Variants in P2RY2 observed in about 807,000 individuals in gnomAD.
P2RY2 encodes the protein P2Y purinoceptor 2.
For missense variants in P2RY2, 567 were observed against 515.7 expected (o/e 1.10, Z -0.96); for synonymous variants, 241 against 231.9 (o/e 1.04, Z -0.35).
At position 73,242,133 on chromosome 11, in the gene P2RY2, A is replaced by G. The variant is rs1193225770; in HGVS notation, c.*6840A>G. ...GAACCCTGAGAAGATGTCTTACCCC[A>G]GTTGTTTCCAGGTTTCTTTAGAAAG... On this transcript the variant is annotated 3_prime_UTR_variant, in exon 3 of 3. Coordinates refer to ENST00000393597, the MANE Select transcript of P2RY2 (RefSeq NM_002564.4). 1.3e-5 allele frequency: 2 copies of G among 152,090 alleles called. No individual in the cohort carries two copies. The highest frequency in any genetic ancestry group is 2.4e-5 in the African/African-American group (1 of 41,410). 9.4% of individuals were successfully genotyped at this position (152,090 alleles called of 1,614,324 possible). A position where few individuals can be genotyped will look rare whatever the true frequency, so the allele number is the denominator to read the frequency against.
At chr11:73,222,429 C>G (rs892538517) in intron 1 of P2RY2, among the ~76,000 whole-genome samples, 1 of 152,114 alleles carries the variant, frequency 6.6e-6, no homozygotes. Flanking sequence ...CCATGTGGCA[C>G]CATCTTTGTA....
Position 73,234,277 on chromosome 11 carries a change from T to C in P2RY2, c.118T>C (p.Tyr40His). Reference protein sequence around the residue: ...DFKYVLLPVSYGVVCVPGLCL... With the variant: ...DFKYVLLPVSHGVVCVPGLCL... ...CAAGTACGTGCTGCTGCCTGTGTCC[T>C]ACGGCGTGGTGTGCGTGCCTGGGCT... Residue 40 changes from tyrosine to histidine, a missense_variant, in exon 3 of 3, where the codon TAC becomes CAC. Coordinates refer to ENST00000393597, the MANE Select transcript of P2RY2 (RefSeq NM_002564.4). 6.2e-7 allele frequency: 1 copy of C among 1,614,176 alleles called. No homozygotes were observed. The highest frequency in any genetic ancestry group is 8.5e-7 in the Non-Finnish European group (1 of 1,180,016).
rs146076516 is a variant in P2RY2, at chr11:73,235,252, A to G, written c.1093A>G (p.Thr365Ala). The G allele has an allele frequency of 1.9e-6, 3 of 1,591,688 alleles. No homozygotes were observed. The Admixed American group carries it at 5.3e-5, about 28-fold the overall frequency. ...SSEDSRRTES[T>A]PAGSENTKDI... ...TGAGGACTCTAGGCGGACAGAGTCC[A>G]CGCCGGCTGGTAGCGAGAACACTAA... Residue 365 changes from threonine (T) to alanine (A), a missense_variant, in exon 3 of 3, where the codon ACG becomes GCG. By Grantham distance (58) the Thr-to-Ala change is moderately conservative (BLOSUM62 0). Transcript: ENST00000393597.
Position 73,235,178 on chromosome 11 carries a change from G to C in P2RY2, c.1019G>C (p.Arg340Thr), listed in dbSNP as rs766911840. Residue 340 changes from arginine to threonine, a missense_variant, in exon 3 of 3, where the codon AGA (arginine) becomes ACA (threonine). By Grantham distance (71) the Arg-to-Thr change is moderately conservative. Transcript: ENST00000393597. ...TPARRRLGLRRSDRTDMQRIE... is the reference protein window; with the variant it reads ...TPARRRLGLRTSDRTDMQRIE... ...GCTCGCCGCAGGCTGGGCCTGCGCA[G>C]ATCCGACAGAACTGACATGCAGAGG... is the stretch of plus-strand genomic sequence containing the variant. The C allele has an allele frequency of 5.6e-6, 9 of 1,610,984 alleles. No individual in the cohort carries two copies. Among genetic ancestry groups the C allele is most frequent in the Non-Finnish European group, 7.6e-6 (9 of 1,179,750 alleles).
chr11:73,235,738 C>G lies in P2RY2; in HGVS notation c.*445C>G. 9.9e-7 allele frequency: 1 copy of G among 1,005,894 alleles called. No individual in the cohort carries two copies. Among genetic ancestry groups the G allele is most frequent in the Non-Finnish European group, 1.2e-6 (1 of 834,138 alleles). The allele number at this position is 1,005,894 out of a possible 1,614,324, so 62.3% of individuals were successfully genotyped here. ...CAAGTCACAGGTTGGCCAGAAAACC[C>G]TGGTAAGTAATGAGGGCTGAGTTTG... is the stretch of plus-strand genomic sequence containing the variant. On this transcript the variant is annotated 3_prime_UTR_variant, in exon 3 of 3. Transcript: ENST00000393597.
intron 1 of P2RY2, among the ~76,000 whole-genome samples, chr11:73,227,683 A>C (rs1479041636): frequency 6.6e-6 from 1 of 152,158 alleles, no homozygotes; most frequent in East Asian, 1.9e-4. Flanking sequence ...GGGAAGGGAC[A>C]CTGGAGGCTT....
At chr11:73,230,516 G>A (rs571036739) in intron 2 of P2RY2, among the ~76,000 whole-genome samples, 59 of 152,142 alleles carry the variant, frequency 3.9e-4, no homozygotes, top group South Asian at 1.2e-3. Context: ...CAAATGACTC[G>A]ACCCTCACAG....
rs1412304599 is a variant in P2RY2 at position 73,237,591 on chromosome 11, G to A, written c.*2298G>A. Among the ~76,000 whole-genome samples the A allele has an allele frequency of 1.3e-5, 2 of 152,090 alleles. No homozygotes were observed. The highest frequency in any genetic ancestry group is 4.8e-5 in the African/African-American group (2 of 41,414). On this transcript the variant is annotated 3_prime_UTR_variant, in exon 3 of 3. Transcript: ENST00000393597. ...TGATTGCCTGTTACAAACCACCCTTGAGCCTTTCCCACAGGCCCGAGCCAC... is the reference window on the plus strand; with the variant it reads ...TGATTGCCTGTTACAAACCACCCTTAAGCCTTTCCCACAGGCCCGAGCCAC...
intron 2 of P2RY2, among the ~76,000 whole-genome samples, chr11:73,228,636 T>C (rs1434212161): frequency 6.6e-6 from 1 of 151,790 alleles, no homozygotes; most frequent in African/African-American, 2.4e-5. Flanking sequence ...AAAGGCAGAG[T>C]CTCCTGGGCT....
Position 73,236,532 on chromosome 11 carries a change from G to A in P2RY2, c.*1239G>A. 1 of 983,270 alleles carries A rather than the reference G, an allele frequency of 1.0e-6. No individual in the cohort carries two copies. Among genetic ancestry groups the A allele is most frequent in the Non-Finnish European group, 1.2e-6 (1 of 828,004 alleles). 60.9% of individuals were successfully genotyped at this position (983,270 alleles called of 1,614,324 possible). A position where few individuals can be genotyped will look rare whatever the true frequency, so the allele number is the denominator to read the frequency against. ...CTCACCGGAAGAACATCCACACACA[G>A]GATGCATCCCAGGCAAAGACATGGG... On this transcript the variant is annotated 3_prime_UTR_variant, in exon 3 of 3. Transcript: ENST00000393597.
In P2RY2 at chr11:73,240,004, C is replaced by G. The variant is rs1862741063; in HGVS notation, c.*4711C>G. The G allele has an allele frequency of 6.6e-6, 1 of 152,394 alleles. No individual in the cohort carries two copies. Among genetic ancestry groups the G allele is most frequent in the African/African-American group, 2.4e-5 (1 of 41,434 alleles). 9.4% of individuals were successfully genotyped at this position (152,394 alleles called of 1,614,324 possible). A position where few individuals can be genotyped will look rare whatever the true frequency, so the allele number is the denominator to read the frequency against. On this transcript the variant is annotated 3_prime_UTR_variant, in exon 3 of 3. Coordinates refer to ENST00000393597, the MANE Select transcript of P2RY2 (RefSeq NM_002564.4). ...TGAAGGGTTGGGGTGAGAACTGAGC[C>G]CGAGTCGAACTCATCCTCCTCTGCC... is the stretch of plus-strand genomic sequence containing the variant.
At position 73,237,033 on chromosome 11, in the gene P2RY2, C is replaced by G; in HGVS notation, c.*1740C>G. On this transcript the variant is annotated 3_prime_UTR_variant, in exon 3 of 3. Coordinates refer to ENST00000393597, the MANE Select transcript of P2RY2 (RefSeq NM_002564.4). ...CCCTCTGACCTCTCCACCCTTCCCA[C>G]TCTGCCTTGTGAAAGGCAGGACATC... 1 of 985,412 alleles carries G rather than the reference C, an allele frequency of 1.0e-6. No homozygotes were observed. The highest frequency in any genetic ancestry group is 1.2e-6 in the Non-Finnish European group (1 of 829,918). 61.0% of individuals were successfully genotyped at this position (985,412 alleles called of 1,614,324 possible). A position where few individuals can be genotyped will look rare whatever the true frequency, so the allele number is the denominator to read the frequency against.
chr11:73,236,696 G>C lies in P2RY2; in HGVS notation c.*1403G>C. On this transcript the variant is annotated 3_prime_UTR_variant, in exon 3 of 3. Transcript: ENST00000393597. ...TGACCCTGAGGCTTCCTTTGCACTG[G>C]GGGTAAATATGAAAGAGATTCACTC... is the stretch of plus-strand genomic sequence containing the variant. The C allele has an allele frequency of 2.0e-6, 2 of 985,332 alleles. No individual in the cohort carries two copies. The highest frequency in any genetic ancestry group is 2.4e-6 in the Non-Finnish European group (2 of 829,902). 61.0% of individuals were successfully genotyped at this position (985,332 alleles called of 1,614,324 possible).
intron 1 of P2RY2, among the ~76,000 whole-genome samples, chr11:73,225,112 G>A (rs1862240532): frequency 6.6e-6 from 1 of 152,216 alleles, no homozygotes; most frequent in Non-Finnish European, 1.5e-5. Flanking sequence ...GGTCTCCACA[G>A]TGGTGACAGC....
In P2RY2 at chr11:73,235,984, T is replaced by C. The variant is rs538006042; in HGVS notation, c.*691T>C. 4.0e-6 allele frequency: 4 copies of C among 1,000,346 alleles called. No individual in the cohort carries two copies. The East Asian group carries it at 4.5e-4, about 113-fold the overall frequency. The allele number at this position is 1,000,346 out of a possible 1,614,324, so 62.0% of individuals were successfully genotyped here. A position where few individuals can be genotyped will look rare whatever the true frequency, so the allele number is the denominator to read the frequency against. Reference sequence around the variant, plus strand: ...GGATGAGGATATGGCAGGGAAGCTTTCACCAGCCACACAAGGGTCCTTTCT... The same window carrying C: ...GGATGAGGATATGGCAGGGAAGCTTCCACCAGCCACACAAGGGTCCTTTCT... On this transcript the variant is annotated 3_prime_UTR_variant, in exon 3 of 3. Transcript: ENST00000393597.
At chr11:73,228,749 C>T (rs530328342) in intron 2 of P2RY2, among the ~76,000 whole-genome samples, 132 of 152,318 alleles carry the variant, frequency 8.7e-4, no homozygotes, top group African/African-American at 3.0e-3. Flanking sequence ...TTAGGGTCAG[C>T]AGCTAAGAAA....
intron 2 of P2RY2, among the ~76,000 whole-genome samples, chr11:73,233,066 A>G (rs1014574690): frequency 2.0e-5 from 3 of 152,154 alleles, no homozygotes; most frequent in African/African-American, 7.2e-5. Context: ...GGGGGACACC[A>G]TGATACTGAC....
In P2RY2 at chr11:73,240,330, G is replaced by A. The variant is rs1403678692; in HGVS notation, c.*5037G>A. On this transcript the variant is annotated 3_prime_UTR_variant, in exon 3 of 3. Transcript: ENST00000393597. ...CACTCCCAGTACAATGACTGCCCTG[G>A]ACCATTGTCCAGCAGTGACGCGGGG... is the stretch of plus-strand genomic sequence containing the variant. 1 of 152,754 alleles carries A rather than the reference G, an allele frequency of 6.5e-6. No individual in the cohort carries two copies. Among genetic ancestry groups the A allele is most frequent in the African/African-American group, 2.4e-5 (1 of 41,452 alleles). 9.5% of individuals were successfully genotyped at this position (152,754 alleles called of 1,614,324 possible).
At chr11:73,234,110 C>G in intron 2 of P2RY2, 46 bp from the exon 3 acceptor site, 1 of 1,552,808 alleles carries the variant, frequency 6.4e-7, no homozygotes. Flanking sequence ...CCCCTAGGGG[C>G]GCTCCGGCCA....
Sources: gnomAD v4.1 joint callset for allele counts (sites outside exome capture counted in the v4.1 genomes callset) on GRCh38, gnomAD v4.1.1 for gene constraint, MANE v1.5 for transcripts, NCBI Gene and HGNC (gene_info 2026-07-23, HGNC 2026-07-21) for gene names.